Variants in ZNF385D observed in about 807,000 individuals in gnomAD.
ZNF385D encodes the protein zinc finger protein 385D.
ZNF385D carries 15 observed loss-of-function variants against 35.8 expected under a neutral mutation model. That is an observed-to-expected ratio of 0.42 (90% CI 0.28 to 0.64). The LOEUF (loss-of-function observed/expected upper bound fraction) is 0.64. Among genes scored for constraint, ZNF385D ranks in the 30% least tolerant of loss-of-function variants. ZNF385D has a pLI of 0.23. For synonymous variants in ZNF385D, 212 were observed against 186.8 expected, an observed-to-expected ratio of 1.13 and a Z score of -1.10; for missense variants, 474 against 494.6, an observed-to-expected ratio of 0.96 and a Z score of 0.39.
At chr3:21,916,959 C>T (rs1700219836) in intron 3 of ZNF385D, among the ~76,000 whole-genome samples, 1 of 152,344 alleles carries the variant, frequency 6.6e-6, no homozygotes, top group Admixed American at 6.5e-5. Context: ...CACACTCCCA[C>T]TGCTGCTGGT....
At chr3:22,038,254 A>G (rs924182698) in intron 3 of ZNF385D, among the ~76,000 whole-genome samples, 11 of 152,160 alleles carry the variant, frequency 7.2e-5, no homozygotes, top group South Asian at 2.1e-4. Flanking sequence ...AAAGATAAAA[A>G]TGTGGTAGAG....
chr3:21,434,174 T>C (rs1242317689), intron 5 of ZNF385D, among the ~76,000 whole-genome samples: 2 of 152,150 alleles, frequency 1.3e-5, no homozygotes, highest in East Asian at 3.9e-4. Flanking sequence ...AGTCTAACAG[T>C]TTCATTTGGT....
chr3:21,766,562 C>A (rs1029454817), intron 3 of ZNF385D, among the ~76,000 whole-genome samples: 1 of 152,106 alleles, frequency 6.6e-6, no homozygotes. Flanking sequence ...CACTATATAT[C>A]TGCTTTAAGA....
At position 22,057,578 on chromosome 3, in the gene ZNF385D, C is replaced by A. The variant is rs943927574; in HGVS notation, c.325+111239G>T. 3.3e-5 allele frequency among the ~76,000 whole-genome samples: 5 copies of A among 149,762 alleles called. No individual in the cohort carries two copies. The Admixed American group carries it at 3.3e-4, about 10-fold the overall frequency. On this transcript the variant is annotated intron_variant, in intron 3 of 5. Transcript: ENST00000494108. ...AGGCTGGAGTGCTGTGGTGTGATCTCAACTCACTGCAGCCTCCATCTCCTG... is the reference window on the plus strand; with the variant it reads ...AGGCTGGAGTGCTGTGGTGTGATCTAAACTCACTGCAGCCTCCATCTCCTG...
intron 2 of ZNF385D, among the ~76,000 whole-genome samples, chr3:22,201,944 A>G (rs1368243805): frequency 1.3e-5 from 2 of 152,022 alleles, no homozygotes; most frequent in Non-Finnish European, 2.9e-5. Flanking sequence ...ATAAAGATCA[A>G]CAAGAAAAAA....
At chr3:22,136,719 T>C (rs950420875) in intron 3 of ZNF385D, among the ~76,000 whole-genome samples, 1 of 152,070 alleles carries the variant, frequency 6.6e-6, no homozygotes, top group African/African-American at 2.4e-5. Context: ...GATAAGCAAA[T>C]TGTGGTACAT....
Position 22,344,684 on chromosome 3 carries a change from T to A in ZNF385D, c.106+27766A>T, listed in dbSNP as rs145421516. On this transcript the variant is annotated intron_variant, in intron 2 of 5. Coordinates refer to the ZNF385D transcript ENST00000494108. ...TGTTCTGCCTGCCTCTGTCTCCCAA[T>A]GTGCTAGGACTACAGGCATGAGCCA... is the stretch of plus-strand genomic sequence containing the variant. 3.6e-4 allele frequency among the ~76,000 whole-genome samples: 54 copies of A among 152,092 alleles called. 1 individual carries two copies. Among genetic ancestry groups the A allele is most frequent in the Admixed American group, 3.5e-3 (53 of 15,254 alleles).
chr3:21,692,928 A>C (rs1385203298), intron 1 of ZNF385D, among the ~76,000 whole-genome samples: 1 of 152,190 alleles, frequency 6.6e-6, no homozygotes, highest in Non-Finnish European at 1.5e-5. Context: ...CCTCCAATAT[A>C]CTGCTCACTC....
At chr3:22,107,120 A>G (rs779177) in intron 3 of ZNF385D, among the ~76,000 whole-genome samples, 80,666 of 148,774 alleles carry the variant, frequency 0.54, 22,723 homozygotes, top group African/African-American at 0.62. Context: ...CACCTCTTGG[A>G]TTCAAGCGAT....
chr3:21,681,297 G>C (rs1167052777), intron 1 of ZNF385D, among the ~76,000 whole-genome samples: 1 of 2,024 alleles, frequency 4.9e-4, no homozygotes, highest in African/African-American at 9.0e-4. Flanking sequence ...TATTCCATCA[G>C]TAAAAAAAAA....
rs138723715 is a variant in ZNF385D at position 22,048,086 on chromosome 3, T to C, written c.325+120731A>G. 2.5e-4 allele frequency among the ~76,000 whole-genome samples: 38 copies of C among 152,256 alleles called. No homozygotes were observed. In the East Asian group the frequency reaches 6.8e-3, roughly 27 times the overall value. On this transcript the variant is annotated intron_variant, in intron 3 of 5. Transcript: ENST00000494108. Reference sequence around the variant, plus strand: ...TCATTTTTTTCATTTCTTAATCAGGTTATTTGTTTACTTACTATTGAATTG... The same window carrying C: ...TCATTTTTTTCATTTCTTAATCAGGCTATTTGTTTACTTACTATTGAATTG...
At chr3:22,031,197 C>T (rs1166662060) in intron 3 of ZNF385D, among the ~76,000 whole-genome samples, 2 of 152,162 alleles carry the variant, frequency 1.3e-5, no homozygotes, top group Non-Finnish European at 2.9e-5. Context: ...ATCTAAATTT[C>T]TAGGGTCTGA....
chr3:21,615,843 A>G (rs1186947377), intron 2 of ZNF385D, among the ~76,000 whole-genome samples: 1 of 131,056 alleles, frequency 7.6e-6, no homozygotes, highest in Non-Finnish European at 1.7e-5. Context: ...ATCAATTTGC[A>G]AAGACCCCAT....
intron 1 of ZNF385D, among the ~76,000 whole-genome samples, chr3:21,701,505 C>T (rs1356329133): frequency 2.6e-5 from 4 of 152,080 alleles, no homozygotes; most frequent in Non-Finnish European, 5.9e-5. Flanking sequence ...ACAGCAAAAT[C>T]ATATCATTCC....
chr3:21,961,239 T>A (rs1702572201), intron 3 of ZNF385D, among the ~76,000 whole-genome samples: 1 of 152,096 alleles, frequency 6.6e-6, no homozygotes, highest in African/African-American at 2.4e-5. Context: ...TTTAAATGAA[T>A]GCCTGGAATA....
chr3:21,709,669 A>AAAGTCAT (rs2068031395), intron 1 of ZNF385D, among the ~76,000 whole-genome samples: 1 of 152,208 alleles, frequency 6.6e-6, no homozygotes, highest in Admixed American at 6.5e-5. Flanking sequence ...TAGCAGAAGA[A>AAAGTCAT]AAGTCATAGA....
chr3:21,730,678 A>G (rs1575549704), intron 1 of ZNF385D, among the ~76,000 whole-genome samples: 1 of 152,226 alleles, frequency 6.6e-6, no homozygotes, highest in East Asian at 1.9e-4. Flanking sequence ...TCCAAGTCTA[A>G]CAACTGCTCA....
At chr3:22,160,491 T>A (rs926901923) in intron 3 of ZNF385D, among the ~76,000 whole-genome samples, 1 of 152,124 alleles carries the variant, frequency 6.6e-6, no homozygotes, top group African/African-American at 2.4e-5. Flanking sequence ...TAACTATCAA[T>A]GTTGCAGGAG....
intron 3 of ZNF385D, among the ~76,000 whole-genome samples, chr3:21,954,216 G>C (rs1158516692): frequency 6.6e-6 from 1 of 151,412 alleles, no homozygotes; most frequent in Non-Finnish European, 1.5e-5. Flanking sequence ...CTGTAACAAG[G>C]GTCTTATAAC....
Sources: gnomAD v4.1 joint callset for allele counts (sites outside exome capture counted in the v4.1 genomes callset) on GRCh38, gnomAD v4.1.1 for gene constraint, MANE v1.5 for transcripts, NCBI Gene and HGNC (gene_info 2026-07-23, HGNC 2026-07-21) for gene names.